Variants in ATRN observed in about 807,000 individuals in gnomAD.
The protein encoded by ATRN is attractin, also known as attractin-2.
A neutral mutation model predicts 178.7 loss-of-function variants in ATRN; 54 were observed. The ratio of observed to expected loss-of-function variants is 0.30; its 90% confidence interval spans 0.24 to 0.38. The LOEUF (loss-of-function observed/expected upper bound fraction) is 0.38, where lower values mean the gene tolerates loss of function less well. Ranked by LOEUF, ATRN falls within the 10% of genes least tolerant of loss-of-function variation. The probability of loss-of-function intolerance (pLI) is 1.00; values close to 1 mark genes in which losing one functional copy is unlikely to be tolerated. For synonymous variants in ATRN, 636 were observed against 663.0 expected, an observed-to-expected ratio of 0.96 and a Z score of 0.63; for missense variants, 1,443 against 1,815.1, an observed-to-expected ratio of 0.79 and a Z score of 3.73.
At chr20:3,513,593 C>T (rs911102361) in intron 1 of ATRN, among the ~76,000 whole-genome samples, 1 of 152,146 alleles carries the variant, frequency 6.6e-6, no homozygotes, top group African/African-American at 2.4e-5. Flanking sequence ...GCGATGTGGG[C>T]TCTTTTTTGG....
At chr20:3,529,218 G>A (rs151532) in intron 1 of ATRN, among the ~76,000 whole-genome samples, 2,474 of 152,114 alleles carry the variant, frequency 0.016, 55 homozygotes, top group African/African-American at 0.045. Context: ...TATACCAAAT[G>A]TGGGAACTGA....
intron 2 of ATRN, 59 bp downstream of exon 2, chr20:3,535,395 T>C: frequency 2.2e-6 from 2 of 897,334 alleles, no homozygotes; most frequent in Non-Finnish European, 3.2e-6. Context: ...AGTGTGACAT[T>C]AGTTTTCCCA....
At position 3,632,827 on chromosome 20, in the gene ATRN, C is replaced by T. The variant is rs2086998607; in HGVS notation, c.3864-1484C>T. Among the ~76,000 whole-genome samples, 1 of 152,286 alleles carries T rather than the reference C, an allele frequency of 6.6e-6. No individual in the cohort carries two copies. The highest frequency in any genetic ancestry group is 2.4e-5 in the African/African-American group (1 of 41,554). On this transcript the variant is annotated intron_variant, in intron 25 of 28. Transcript: ENST00000262919. The surrounding 1 kb of genome is among the most constrained non-coding windows in gnomAD (Gnocchi z 4.2). ...TGTTTTCCATGAGCCTAGAACAGGACCTGACCCAATTAAAGTATTGATTAA... is the reference window on the plus strand; with the variant it reads ...TGTTTTCCATGAGCCTAGAACAGGATCTGACCCAATTAAAGTATTGATTAA...
intron 15 of ATRN, among the ~76,000 whole-genome samples, chr20:3,579,355 G>A (rs562788860): frequency 7.4e-4 from 113 of 152,210 alleles, no homozygotes; most frequent in African/African-American, 2.6e-3. Flanking sequence ...GCATGGTGGT[G>A]TGCGCCTGTA....
intron 1 of ATRN, among the ~76,000 whole-genome samples, chr20:3,478,844 A>G (rs1370488861): frequency 6.7e-6 from 1 of 148,382 alleles, no homozygotes; most frequent in Non-Finnish European, 1.5e-5. Context: ...CTCCCTCCTC[A>G]CTGCTCCCCC....
chr20:3,473,521 T>G (rs1463073013), intron 1 of ATRN, among the ~76,000 whole-genome samples: 1 of 152,214 alleles, frequency 6.6e-6, no homozygotes, highest in African/African-American at 2.4e-5. Context: ...AATTTTGACC[T>G]TTAGCCCAAG....
chr20:3,616,397 C>T (rs1190003369), intron 24 of ATRN, among the ~76,000 whole-genome samples: 11 of 152,066 alleles, frequency 7.2e-5, no homozygotes, highest in Admixed American at 2.0e-4. Context: ...CCCATGCATT[C>T]CTGGGAGCCA....
intron 1 of ATRN, among the ~76,000 whole-genome samples, chr20:3,528,904 C>T (rs1203485432): frequency 6.6e-6 from 1 of 152,032 alleles, no homozygotes; most frequent in Non-Finnish European, 1.5e-5. Flanking sequence ...CCTCTGCTTC[C>T]TGGGCTCAAG....
intron 18 of ATRN, among the ~76,000 whole-genome samples, chr20:3,586,221 T>C (rs2086355253): frequency 1.3e-5 from 2 of 152,232 alleles, no homozygotes; most frequent in South Asian, 4.1e-4. Flanking sequence ...CAAAGTGTTG[T>C]ATATTCATAC....
At chr20:3,594,371 T>A in intron 19 of ATRN, 108 bp from the exon 20 acceptor site, 4 of 765,096 alleles carry the variant, frequency 5.2e-6, no homozygotes, top group Non-Finnish European at 8.2e-6. Flanking sequence ...TTAATCTGTC[T>A]TTCCTACTGA....
At position 3,584,760 on chromosome 20, in the gene ATRN, A is replaced by G; in HGVS notation, c.3064A>G (p.Lys1022Glu). The G allele has an allele frequency of 4.3e-6, 7 of 1,614,164 alleles. No homozygotes were observed. Among genetic ancestry groups the G allele is most frequent in the Non-Finnish European group, 5.9e-6 (7 of 1,180,010 alleles). The change falls in exon 18 of 29, where the codon AAA becomes GAA. Residue 1022 changes from lysine to glutamate, a missense_variant. Transcript: ENST00000262919. ...AGGGAAATGCATAGAGGGTTCCTAT[A>G]AAGGACCAGTGAAGATGCCTTCGCA... ...GKGKCIEGSY[K>E]GPVKMPSQAP...
chr20:3,594,345 A>G, intron 19 of ATRN, 134 bp from the exon 20 acceptor site: 1 of 581,132 alleles, frequency 1.7e-6, no homozygotes, highest in Non-Finnish European at 3.0e-6. Flanking sequence ...AATCTTACCC[A>G]TTGAATGCTC....
chr20:3,553,086 G>A (rs1042050668), intron 6 of ATRN, among the ~76,000 whole-genome samples: 2 of 152,140 alleles, frequency 1.3e-5, no homozygotes, highest in Non-Finnish European at 2.9e-5. Context: ...GTGTCTGTCT[G>A]ACACGATAGG....
At chr20:3,509,683 TA>T (rs1364254178) in intron 1 of ATRN, among the ~76,000 whole-genome samples, 2 of 152,196 alleles carry the variant, frequency 1.3e-5, no homozygotes, top group Admixed American at 6.5e-5. Context: ...TTTGTATTTT[TA>T]GTAGAGGTGG....
At chr20:3,511,619 A>G (rs2085129272) in intron 1 of ATRN, among the ~76,000 whole-genome samples, 1 of 152,204 alleles carries the variant, frequency 6.6e-6, no homozygotes, top group Admixed American at 6.5e-5. Context: ...GGAATTCTCC[A>G]TAGTTGTACC....
rs777546432 is a variant in ATRN at position 3,533,293 on chromosome 20, A to AT, written c.411-1958dup. Among the ~76,000 whole-genome samples the AT allele has an allele frequency of 2.0e-5, 3 of 152,238 alleles. 1 individual carries two copies. In the South Asian group the frequency reaches 6.2e-4, roughly 32 times the overall value. On this transcript the variant is annotated intron_variant, in intron 1 of 28. Transcript: ENST00000262919. ...ATCAGATGTGCCCTCACATCTAAGT[A>AT]TTAGATTACATTCTGTGTCAGAGAT... is the stretch of plus-strand genomic sequence containing the variant.
intron 16 of ATRN, among the ~76,000 whole-genome samples, chr20:3,583,069 T>C (rs2086302985): frequency 6.6e-6 from 1 of 152,202 alleles, no homozygotes; most frequent in Non-Finnish European, 1.5e-5. Flanking sequence ...TTGTGTCCAA[T>C]TTTGGGAAAG....
intron 1 of ATRN, among the ~76,000 whole-genome samples, chr20:3,533,918 A>T (rs2085488521): frequency 6.6e-6 from 1 of 152,150 alleles, no homozygotes; most frequent in South Asian, 2.1e-4. Flanking sequence ...TCAGCCTCCA[A>T]ACTGCTGTGA....
chr20:3,641,590 CAAAAAAAA>C (rs61692220), intron 27 of ATRN, among the ~76,000 whole-genome samples: 6 of 47,822 alleles, frequency 1.3e-4, no homozygotes, highest in South Asian at 1.2e-3. Context: ...GACTCTGTCG[CAAAAAAAA>C]AAAAAAAAAA....
Sources: allele counts gnomAD v4.1 joint callset (sites outside exome capture counted in the v4.1 genomes callset), GRCh38; gene constraint gnomAD v4.1.1; non-coding constraint Gnocchi (gnomAD v3.1); transcripts MANE v1.5; gene names NCBI Gene and HGNC (gene_info 2026-07-23, HGNC 2026-07-21).